The following FSIP1 variants were observed in gnomAD, a reference collection of about 807,000 sequenced individuals.
FSIP1 encodes fibrous sheath-interacting protein 1.
FSIP1 carries 65 observed loss-of-function variants against 60.9 expected under a neutral mutation model. The ratio of observed to expected loss-of-function variants is 1.07; its 90% CI spans 0.87 to 1.31. The LOEUF (loss-of-function observed/expected upper bound fraction) is 1.31. Among genes scored for constraint, FSIP1 ranks in the 40% most tolerant of loss-of-function variants. FSIP1 has a pLI of 0.00. For missense variants in FSIP1, 675 were observed against 665.5 expected (o/e 1.01, Z -0.16); for synonymous variants, 209 against 221.2 (o/e 0.94, Z 0.49).
At chr15:39,680,942 TA>T (rs1894135185) in intron 10 of FSIP1, among the ~76,000 whole-genome samples, 1 of 152,296 alleles carries the variant, frequency 6.6e-6, no homozygotes, top group East Asian at 1.9e-4. Context: ...ATTCAGCTAC[TA>T]GGGCCTGAAC....
intron 5 of FSIP1, among the ~76,000 whole-genome samples, chr15:39,757,099 CTG>C (rs1897322297): frequency 6.6e-6 from 1 of 152,010 alleles, no homozygotes; most frequent in South Asian, 2.1e-4. Context: ...GTGCCTGAAA[CTG>C]TGCTGGCAAC....
intron 10 of FSIP1, among the ~76,000 whole-genome samples, chr15:39,660,460 A>T (rs1306386064): frequency 6.6e-6 from 1 of 152,236 alleles, no homozygotes; most frequent in Admixed American, 6.5e-5. Flanking sequence ...GTTTTAATTG[A>T]ATATAAGTCA....
At chr15:39,703,533 T>C (rs1895145736) in intron 10 of FSIP1, among the ~76,000 whole-genome samples, 1 of 152,234 alleles carries the variant, frequency 6.6e-6, no homozygotes, top group Non-Finnish European at 1.5e-5. Flanking sequence ...TATAAATTGA[T>C]TATAAATGAT....
chr15:39,729,874 T>C (rs115133070), intron 8 of FSIP1, among the ~76,000 whole-genome samples: 1,565 of 152,116 alleles, frequency 0.01, 26 homozygotes, highest in African/African-American at 0.036. Context: ...CAACAGATAC[T>C]GGGGCCTACT....
intron 10 of FSIP1, among the ~76,000 whole-genome samples, chr15:39,663,814 A>G (rs1893392202): frequency 6.6e-6 from 1 of 152,240 alleles, no homozygotes; most frequent in Non-Finnish European, 1.5e-5. Context: ...AATGTTTCTT[A>G]CAGGCATTAT....
In FSIP1 at chr15:39,741,786, C is replaced by T. The variant is rs760350227; in HGVS notation, c.655+19G>A. On this transcript the variant is annotated intron_variant, in intron 6 of 11. Coordinates refer to ENST00000350221, the MANE Select transcript of FSIP1 (RefSeq NM_152597.5). ...ATTCCCTTGTGAAAATGTGTATAAT[C>T]ACACAAATTTAAATATACCTTTATT... 4 of 1,235,012 alleles carry T rather than the reference C, an allele frequency of 3.2e-6. No individual in the cohort carries two copies. The highest frequency in any genetic ancestry group is 4.8e-6 in the Non-Finnish European group (4 of 838,902). 76.5% of individuals were successfully genotyped at this position (1,235,012 alleles called of 1,614,324 possible).
At chr15:39,660,442 T>C (rs1339284927) in intron 10 of FSIP1, among the ~76,000 whole-genome samples, 2 of 152,238 alleles carry the variant, frequency 1.3e-5, no homozygotes, top group African/African-American at 2.4e-5. Flanking sequence ...ATTTATGATG[T>C]TGTAACAGTT....
intron 1 of FSIP1, among the ~76,000 whole-genome samples, chr15:39,777,552 T>C (rs1241921652): frequency 1.3e-5 from 2 of 152,168 alleles, no homozygotes; most frequent in Non-Finnish European, 2.9e-5. Context: ...AAGCAAGAAA[T>C]ACTAGGCAGG....
intron 10 of FSIP1, among the ~76,000 whole-genome samples, chr15:39,674,389 G>T (rs4591113): frequency 1.3e-5 from 2 of 151,958 alleles, no homozygotes; most frequent in Admixed American, 1.3e-4. Context: ...ATCGTACATG[G>T]GTCGTTCATG....
At chr15:39,602,454 T>C (rs1890675426) in intron 11 of FSIP1, 1 of 444,444 alleles carries the variant, frequency 2.3e-6, no homozygotes, top group Non-Finnish European at 4.5e-6. Flanking sequence ...GTGACAACCA[T>C]AGGAAACTAA....
intron 9 of FSIP1, among the ~76,000 whole-genome samples, chr15:39,717,403 A>AT (rs971221572): frequency 2.6e-5 from 4 of 151,974 alleles, no homozygotes; most frequent in African/African-American, 9.7e-5. Context: ...AGCTTAGGGT[A>AT]TTTTTTCCCC....
chr15:39,657,558 T>C (rs1227465082), intron 10 of FSIP1, among the ~76,000 whole-genome samples: 1 of 152,202 alleles, frequency 6.6e-6, no homozygotes, highest in African/African-American at 2.4e-5. Context: ...GAACTTCCCA[T>C]TTTTGAGGAG....
At chr15:39,679,522 A>C (rs1288519471) in intron 10 of FSIP1, among the ~76,000 whole-genome samples, 2 of 152,148 alleles carry the variant, frequency 1.3e-5, no homozygotes, top group Non-Finnish European at 2.9e-5. Context: ...AGATCATTTG[A>C]GCCAAGGAGC....
intron 11 of FSIP1, among the ~76,000 whole-genome samples, chr15:39,601,960 ATAG>A (rs1034932927): frequency 6.6e-6 from 1 of 152,180 alleles, no homozygotes; most frequent in Non-Finnish European, 1.5e-5. Context: ...TAAAAAATTG[ATAG>A]TGGTGATGGA....
chr15:39,641,382 G>A (rs942335262), intron 10 of FSIP1, among the ~76,000 whole-genome samples: 18 of 152,214 alleles, frequency 1.2e-4, no homozygotes, highest in Non-Finnish European at 1.6e-4. Flanking sequence ...GCTGGTGACC[G>A]TCAATTTCAC....
intron 8 of FSIP1, among the ~76,000 whole-genome samples, chr15:39,728,005 G>C (rs1389988317): frequency 6.6e-6 from 1 of 152,096 alleles, no homozygotes; most frequent in African/African-American, 2.4e-5. Context: ...CCCAAGCTGA[G>C]AGCCAAATCA....
chr15:39,629,169 T>C (rs535215284), intron 10 of FSIP1, among the ~76,000 whole-genome samples: 1 of 152,098 alleles, frequency 6.6e-6, no homozygotes, highest in Non-Finnish European at 1.5e-5. Context: ...TCACAATGAG[T>C]AAGCTGTCAT....
rs113736826 is a variant in FSIP1, at chr15:39,776,295, G to A, written c.126+104C>T. 75 of 1,101,586 alleles carry A rather than the reference G, an allele frequency of 6.8e-5. No homozygotes were observed. In the African/African-American group the frequency reaches 9.4e-4, roughly 14 times the overall value. The allele number at this position is 1,101,586 out of a possible 1,614,324, so 68.2% of individuals were successfully genotyped here. On this transcript the variant is annotated intron_variant, in intron 2 of 11. Transcript: ENST00000350221. ...TCTGCAAGTGCTCCCCAAACACACC[G>A]TCTAAGGAGAAAATTTAAAATGGGA... is the stretch of plus-strand genomic sequence containing the variant.
At chr15:39,649,255 C>A (rs1451162279) in intron 10 of FSIP1, among the ~76,000 whole-genome samples, 2 of 152,168 alleles carry the variant, frequency 1.3e-5, no homozygotes, top group Admixed American at 6.5e-5. Context: ...GCCAGTGTGG[C>A]TCCCACTCCA....
Sources: allele counts gnomAD v4.1 joint callset (sites outside exome capture counted in the v4.1 genomes callset), GRCh38; gene constraint gnomAD v4.1.1; transcripts MANE v1.5; gene names NCBI Gene and HGNC (gene_info 2026-07-23, HGNC 2026-07-21).